Variants in MFSD11 observed in about 807,000 individuals in gnomAD.
MFSD11 encodes major facilitator superfamily domain containing 11, also known as UNC93-like protein MFSD11.
In MFSD11, 36 loss-of-function variants were observed where a neutral mutation model predicts 53.5. The observed-to-expected ratio is 0.67, with a 90% CI of 0.52 to 0.89. The LOEUF is 0.89. MFSD11 is among the 40% of genes least tolerant of loss of function. MFSD11 has a pLI of 0.00. For synonymous variants in MFSD11, 186 were observed against 184.9 expected, an observed-to-expected ratio of 1.01 and a Z score of -0.05; for missense variants, 530 against 543.9, an observed-to-expected ratio of 0.97 and a Z score of 0.25.
intron 8 of MFSD11, chr17:76,767,163 T>C (rs1445036183): frequency 4.8e-6 from 2 of 418,220 alleles, no homozygotes; most frequent in African/African-American, 4.1e-5. Context: ...GAAAATGTGC[T>C]GAGGAAATGC....
the MFSD11 span, among the ~76,000 whole-genome samples, chr17:76,792,062 G>A: frequency 2.3e-4 from 34 of 148,234 alleles, 4 homozygotes; most frequent in East Asian, 3.9e-4. Flanking sequence ...CTTCCAAAGC[G>A]AATTTTCTCT....
the MFSD11 span, among the ~76,000 whole-genome samples, chr17:76,800,072 C>T: frequency 1.3e-5 from 2 of 150,966 alleles, no homozygotes; most frequent in Non-Finnish European, 2.9e-5. Flanking sequence ...TTTCCTGCCT[C>T]AGCCTCCAAA....
chr17:76,758,581 CAAAAA>C (rs56750819), intron 8 of MFSD11, among the ~76,000 whole-genome samples: 2 of 58,052 alleles, frequency 3.4e-5, no homozygotes, highest in East Asian at 4.7e-4. Context: ...GACCAGGTCT[CAAAAA>C]AAAAAAAAAA....
At chr17:76,757,413 G>A (rs1377098628) in intron 8 of MFSD11, among the ~76,000 whole-genome samples, 1 of 152,174 alleles carries the variant, frequency 6.6e-6, no homozygotes. Flanking sequence ...GAAGTCGTGA[G>A]GTGGCAAGGG....
intron 10 of MFSD11, chr17:76,773,431 T>G (rs2081543735): frequency 6.6e-6 from 1 of 152,250 alleles, no homozygotes; most frequent in African/African-American, 2.4e-5. Context: ...GTGATAGATG[T>G]GTAGTCATGT....
downstream of MFSD11, among the ~76,000 whole-genome samples, chr17:76,782,472 GGC>G (rs1189771182): frequency 2.4e-5 from 3 of 122,744 alleles, no homozygotes; most frequent in Non-Finnish European, 4.8e-5. Flanking sequence ...ACCGCGCCCA[GGC>G]TTTTTTTTTT....
intron 9 of MFSD11, among the ~76,000 whole-genome samples, chr17:76,768,979 C>G (rs980541034): frequency 1.3e-4 from 18 of 142,930 alleles, no homozygotes; most frequent in Middle Eastern, 7.3e-3. Context: ...GAGCAAGACT[C>G]TCTCTCAAAA....
At chr17:76,758,581 CAAAAAAA>C (rs56750819) in intron 8 of MFSD11, among the ~76,000 whole-genome samples, 1 of 58,054 alleles carries the variant, frequency 1.7e-5, no homozygotes, top group Non-Finnish European at 3.7e-5. Context: ...GACCAGGTCT[CAAAAAAA>C]AAAAAAAAAA....
intron 8 of MFSD11, among the ~76,000 whole-genome samples, chr17:76,756,176 G>A (rs960534146): frequency 1.4e-5 from 2 of 145,124 alleles, no homozygotes; most frequent in African/African-American, 2.6e-5. Flanking sequence ...AGGCTGGAGT[G>A]CACTGGCACC....
intron 8 of MFSD11, among the ~76,000 whole-genome samples, chr17:76,766,376 G>A (rs1355925141): frequency 2.1e-5 from 3 of 142,596 alleles, no homozygotes; most frequent in East Asian, 2.1e-4. Context: ...CCAAGATCGC[G>A]CCACTCTACT....
intron 7 of MFSD11, among the ~76,000 whole-genome samples, chr17:76,751,322 G>A (rs1698138291): frequency 6.6e-6 from 1 of 151,364 alleles, no homozygotes; most frequent in African/African-American, 2.4e-5. Context: ...CCTGGGAGGT[G>A]GAGATTGCAG....
chr17:76,760,193 T>C (rs1003890785), intron 8 of MFSD11, among the ~76,000 whole-genome samples: 3 of 138,696 alleles, frequency 2.2e-5, no homozygotes, highest in African/African-American at 5.5e-5. Context: ...GCTTGAACCC[T>C]GGGGTGGGGG....
At chr17:76,738,552 T>C in intron 1 of MFSD11, 104 bp downstream of exon 1, 1 of 802,262 alleles carries the variant, frequency 1.2e-6, no homozygotes, top group Non-Finnish European at 2.0e-6. Flanking sequence ...TAATTGCATC[T>C]TTCATTTTTC....
rs2077690444 is a variant in MFSD11 at position 76,738,252 on chromosome 17, C to T, written c.-101C>T. On this transcript the variant is annotated 5_prime_UTR_variant, in exon 1 of 13. Coordinates refer to ENST00000685175, the MANE Select transcript of MFSD11 (RefSeq NM_001242532.5). ...GCTGCCTGGCTCCTGCATCTGCCTTCTCCACTCACCATCTCATTTCTTTCT... is the reference window on the plus strand; with the variant it reads ...GCTGCCTGGCTCCTGCATCTGCCTTTTCCACTCACCATCTCATTTCTTTCT... 3 of 754,850 alleles carry T rather than the reference C, an allele frequency of 4.0e-6. No individual in the cohort carries two copies. The highest frequency in any genetic ancestry group is 2.5e-5 in the East Asian group (1 of 39,698). The allele number at this position is 754,850 out of a possible 1,614,324, so 46.8% of individuals were successfully genotyped here.
chr17:76,760,972 G>A (rs907928120), intron 8 of MFSD11, among the ~76,000 whole-genome samples: 3 of 152,100 alleles, frequency 2.0e-5, no homozygotes, highest in Non-Finnish European at 2.9e-5. Flanking sequence ...TTGAGAGGCC[G>A]AGGTGGGCGG....
intron 7 of MFSD11, chr17:76,745,255 G>A (rs1201883039): frequency 1.3e-5 from 2 of 152,180 alleles, no homozygotes. Context: ...AATCCAGAAA[G>A]GGCCTAAAAT....
intron 6 of MFSD11, 37 bp downstream of exon 6, chr17:76,743,493 C>T (rs778881545): frequency 9.5e-6 from 13 of 1,372,608 alleles, no homozygotes; most frequent in Non-Finnish European, 1.2e-5. Flanking sequence ...CAGATATGTT[C>T]AAAGCATAAT....
chr17:76,763,544 G>A (rs1349634677), intron 8 of MFSD11, among the ~76,000 whole-genome samples: 4 of 152,160 alleles, frequency 2.6e-5, no homozygotes, highest in African/African-American at 4.8e-5. Flanking sequence ...GATTACAGGC[G>A]TGAGCCACCG....
the MFSD11 span, among the ~76,000 whole-genome samples, chr17:76,786,846 C>T: frequency 1.3e-5 from 2 of 151,950 alleles, no homozygotes; most frequent in Admixed American, 6.6e-5. Flanking sequence ...CACGGAGTCT[C>T]GCTCTGTCAC....
Sources: allele counts gnomAD v4.1 joint callset (sites outside exome capture counted in the v4.1 genomes callset), GRCh38; gene constraint gnomAD v4.1.1; transcripts MANE v1.5; gene names NCBI Gene and HGNC (gene_info 2026-07-23, HGNC 2026-07-21).